Variants in TST observed in about 807,000 individuals in gnomAD.
The protein encoded by TST is thiosulfate sulfurtransferase, also known as epididymis secretory sperm binding protein.
A neutral mutation model predicts 20.4 loss-of-function variants in TST; 22 were observed. That is an observed-to-expected ratio of 1.08 (90% CI 0.77 to 1.54). TST has a LOEUF of 1.54. Ranked by LOEUF, TST falls within the 40% of genes most tolerant of loss-of-function variation. The probability of loss-of-function intolerance (pLI) is 0.00; values close to 1 mark genes in which losing one functional copy is unlikely to be tolerated. For synonymous variants in TST, 187 were observed against 173.8 expected (o/e 1.08, Z -0.60); for missense variants, 392 against 405.2 (o/e 0.97, Z 0.28).
intron 2 of TST, among the ~76,000 whole-genome samples, chr22:37,011,930 C>T (rs1601444826): frequency 6.6e-6 from 1 of 152,196 alleles, no homozygotes; most frequent in African/African-American, 2.4e-5. Context: ...TGAAGGCAGA[C>T]CCAGGATTAC....
chr22:37,015,935 CTTTTTT>C (rs1000783141), intron 2 of TST, among the ~76,000 whole-genome samples: 4 of 73,868 alleles, frequency 5.4e-5, no homozygotes, highest in Non-Finnish European at 1.0e-4. Flanking sequence ...GCCACTGCTA[CTTTTTT>C]TTTTTTTTTT....
At chr22:37,012,626 A>G (rs1922518741) in intron 2 of TST, among the ~76,000 whole-genome samples, 1 of 152,180 alleles carries the variant, frequency 6.6e-6, no homozygotes, top group South Asian at 2.1e-4. Flanking sequence ...ACAGGGCAGG[A>G]GCAGGGTGGC....
intron 2 of TST, among the ~76,000 whole-genome samples, chr22:37,012,584 A>G (rs1457581574): frequency 6.6e-6 from 1 of 152,164 alleles, no homozygotes; most frequent in Non-Finnish European, 1.5e-5. Flanking sequence ...TTGCTCCCCA[A>G]ATCCCCACCC....
At position 37,018,491 on chromosome 22, in the gene TST, A is replaced by G; in HGVS notation, c.242T>C (p.Phe81Ser). 6.2e-7 allele frequency: 1 copy of G among 1,608,540 alleles called. No individual in the cohort carries two copies. The part of the protein sequence containing the change: ...YEMMLPSEAG[F>S]AEYVGRLGIS... ...GCCCAGGCGGCCCACATACTCGGCG[A>G]AGCCAGCCTCGCTGGGCAGCATCAT... The change falls in exon 2 of 3, where the codon TTC becomes TCC. Residue 81 changes from phenylalanine (F) to serine (S), a missense_variant. Phe to Ser is a radical substitution (Grantham distance 155, BLOSUM62 -2). Coordinates refer to ENST00000249042, the MANE Select transcript of TST (RefSeq NM_003312.6).
chr22:37,019,709 A>G, upstream of TST: 2 of 399,720 alleles, frequency 5.0e-6, no homozygotes, highest in Non-Finnish European at 8.6e-6. Context: ...AGGCGCGGGC[A>G]GCAGCGGCTC....
At chr22:37,017,535 G>A (rs574416432) in intron 2 of TST, among the ~76,000 whole-genome samples, 1 of 152,248 alleles carries the variant, frequency 6.6e-6, no homozygotes, top group African/African-American at 2.4e-5. Context: ...AGCTTTGTTC[G>A]CTGAGATAAT....
chr22:37,011,307 A>T lies in TST; in HGVS notation c.614T>A (p.Ile205Asn), dbSNP rs1415841489. 6.2e-7 allele frequency: 1 copy of T among 1,612,978 alleles called. No homozygotes were observed. Among genetic ancestry groups the T allele is most frequent in the Admixed American group, 1.7e-5 (1 of 60,012 alleles). ...GAAAGGCATGTTGACGGCACCACGG[A>T]TATGGCCCGAGTCCAGTCCTGGGCA... ...PDAVGLDSGH[I>N]RGAVNMPFMD... The change falls in exon 3 of 3, where the codon ATC becomes AAC. Residue 205 changes from isoleucine (I) to asparagine (N), a missense_variant. Physicochemically the swap from Ile to Asn is moderately radical, Grantham distance 149 (BLOSUM62 -3). Transcript: ENST00000249042.
At chr22:37,016,364 G>A (rs1167937654) in intron 2 of TST, among the ~76,000 whole-genome samples, 2 of 152,146 alleles carry the variant, frequency 1.3e-5, no homozygotes, top group African/African-American at 4.8e-5. Flanking sequence ...CTCCAAGGAG[G>A]AGTGGCTGAG....
chr22:37,013,554 A>G (rs889658427), intron 2 of TST, among the ~76,000 whole-genome samples: 4 of 152,172 alleles, frequency 2.6e-5, no homozygotes, highest in African/African-American at 9.7e-5. Flanking sequence ...AGCTGTGATC[A>G]TGCCACTCCA....
intron 2 of TST, among the ~76,000 whole-genome samples, chr22:37,015,214 C>T (rs1922633786): frequency 6.6e-6 from 1 of 152,234 alleles, no homozygotes; most frequent in African/African-American, 2.4e-5. Flanking sequence ...CTACCCCTGC[C>T]TGCCTCCCCT....
intron 2 of TST, among the ~76,000 whole-genome samples, chr22:37,016,132 C>T (rs1325349106): frequency 2.0e-5 from 3 of 151,266 alleles, no homozygotes; most frequent in Admixed American, 6.6e-5. Flanking sequence ...ATTTTAGTAG[C>T]GACGGGGTTT....
upstream of TST, chr22:37,020,073 T>G (rs1056274896): frequency 3.8e-4 from 119 of 315,366 alleles, no homozygotes; most frequent in Middle Eastern, 2.2e-3. Flanking sequence ...GAGTGGCGGG[T>G]GGGGAGCCTT....
At position 37,011,102 on chromosome 22, in the gene TST, A is replaced by G. The variant is rs1922454773; in HGVS notation, c.819T>C (p.Asp273=). The G allele has an allele frequency of 2.5e-6, 4 of 1,613,476 alleles. No individual in the cohort carries two copies. Among genetic ancestry groups the G allele is most frequent in the South Asian group, 1.1e-5 (1 of 91,062 alleles). The part of the protein sequence containing the change: ...LCGKPDVAVY[D]GSWSEWFRRA... Reference sequence around the variant, plus strand: ...GGCGAAACCACTCGGACCAGGAGCCATCGTACACGGCCACATCAGGCTTGC... The same window carrying G: ...GGCGAAACCACTCGGACCAGGAGCCGTCGTACACGGCCACATCAGGCTTGC... Residue 273 remains aspartate, a synonymous_variant, in exon 3 of 3, where the codon GAT becomes GAC. Coordinates refer to ENST00000249042, the MANE Select transcript of TST (RefSeq NM_003312.6).
intron 2 of TST, among the ~76,000 whole-genome samples, chr22:37,017,906 GTGGC>G (rs1313266750): frequency 6.6e-6 from 1 of 152,200 alleles, no homozygotes; most frequent in African/African-American, 2.4e-5. Flanking sequence ...CAGATGCTAG[GTGGC>G]TTCTTAGCAC....
In TST at chr22:37,012,174, G is replaced by A. The variant is rs372941175; in HGVS notation, c.596-849C>T. ...TGGCCCACCCACCCTGCCATGCTGC[G>A]CCCCCAGCCACTTCACCACCCATGG... On this transcript the variant is annotated intron_variant, in intron 2 of 2. Coordinates refer to ENST00000249042, the MANE Select transcript of TST (RefSeq NM_003312.6). 9.2e-5 allele frequency among the ~76,000 whole-genome samples: 14 copies of A among 152,226 alleles called. No individual in the cohort carries two copies. In the East Asian group the frequency reaches 1.4e-3, roughly 15 times the overall value.
chr22:37,018,210 T>A lies in TST; in HGVS notation c.523A>T (p.Lys175Ter), dbSNP rs752637043. 2 of 1,613,264 alleles carry A rather than the reference T, an allele frequency of 1.2e-6. No individual in the cohort carries two copies. The highest frequency in any genetic ancestry group is 2.2e-5 in the East Asian group (1 of 44,860). The change falls in exon 2 of 3, where the codon AAG (lysine) becomes TAG (stop). Residue 175 changes from lysine (K) to a stop codon, truncating the protein, a stop_gained. Coordinates refer to ENST00000249042, the MANE Select transcript of TST (RefSeq NM_003312.6). LOFTEE classifies it high-confidence loss of function. ...CTTGAATCCACCAGCTGGAACCTCT[T>A]AGATTCAAGGTTCTCCAGCACCTGC... ...YEQVLENLES[K>*]RFQLVDSRSQ... is the part of the protein sequence containing the mutation.
At position 37,017,184 on chromosome 22, in the gene TST, C is replaced by T. The variant is rs188015791; in HGVS notation, c.595+954G>A. ...GGAGTGATGGCAGCGAGACGGCAGTCCTGCCTCTAGAAAAGGGAAGACCTC... is the reference window on the plus strand; with the variant it reads ...GGAGTGATGGCAGCGAGACGGCAGTTCTGCCTCTAGAAAAGGGAAGACCTC... On this transcript the variant is annotated intron_variant, in intron 2 of 2. Coordinates refer to ENST00000249042, the MANE Select transcript of TST (RefSeq NM_003312.6). 1.7e-3 allele frequency among the ~76,000 whole-genome samples: 256 copies of T among 152,286 alleles called. 2 individuals are homozygous for T. Among genetic ancestry groups the T allele is most frequent in the Middle Eastern group, 6.8e-3 (2 of 294 alleles).
chr22:37,017,121 C>T (rs1922708627), intron 2 of TST, among the ~76,000 whole-genome samples: 1 of 152,228 alleles, frequency 6.6e-6, no homozygotes, highest in Admixed American at 6.5e-5. Context: ...GGCCCTGCTC[C>T]TGGAAATGGC....
At chr22:37,018,805 G>A in intron 1 of TST, 52 bp from the exon 2 acceptor site, 4 of 1,307,788 alleles carry the variant, frequency 3.1e-6, no homozygotes, top group Non-Finnish European at 4.1e-6. Flanking sequence ...AAGGAAGTCG[G>A]TGTGTGCAGT....
Sources: gnomAD v4.1 joint callset for allele counts (sites outside exome capture counted in the v4.1 genomes callset) on GRCh38, gnomAD v4.1.1 for gene constraint, MANE v1.5 for transcripts, NCBI Gene and HGNC (gene_info 2026-07-23, HGNC 2026-07-21) for gene names.